PLEKHG1: variants seen among roughly 807,000 people sequenced by gnomAD.
The protein encoded by PLEKHG1 is pleckstrin homology domain-containing family G member 1.
Under a neutral mutation model 100.8 loss-of-function variants are expected in PLEKHG1, and 44 were observed. The ratio of observed to expected loss-of-function variants is 0.44; its 90% CI spans 0.34 to 0.56. The LOEUF (loss-of-function observed/expected upper bound fraction) is 0.56. Ranked by LOEUF, PLEKHG1 falls within the 20% of genes least tolerant of loss-of-function variation. The probability of loss-of-function intolerance (pLI) is 0.01; values close to 1 mark genes in which losing one functional copy is unlikely to be tolerated. For missense variants in PLEKHG1, 1,545 were observed against 1,720.9 expected, an observed-to-expected ratio of 0.90 and a Z score of 1.81; for synonymous variants, 640 against 662.5, an observed-to-expected ratio of 0.97 and a Z score of 0.52.
At chr6:150,706,968 CT>C (rs1244397188) in intron 3 of PLEKHG1, among the ~76,000 whole-genome samples, 2 of 39,002 alleles carry the variant, frequency 5.1e-5, no homozygotes, top group Non-Finnish European at 8.0e-5. Context: ...GTTTCATTTT[CT>C]TTTTTTCTTT....
chr6:150,725,615 T>A (rs557983632), intron 1 of PLEKHG1, among the ~76,000 whole-genome samples: 1 of 152,362 alleles, frequency 6.6e-6, no homozygotes, highest in South Asian at 2.1e-4. Context: ...AGTTGATGAT[T>A]TCCTTTGCTG....
chr6:150,638,406 G>A lies in PLEKHG1; in HGVS notation c.-158+281G>A, dbSNP rs187665769. ...CTCCTTCCACCTCAAGTACACAGAA[G>A]GTTCTGGAACACCACCCCTCCCCCT... On this transcript the variant is annotated intron_variant, in intron 2 of 3. Transcript: ENST00000367326. Among the ~76,000 whole-genome samples, 15 of 152,090 alleles carry A rather than the reference G, an allele frequency of 9.9e-5. 1 individual carries two copies. The highest frequency in any genetic ancestry group is 9.8e-4 in the Admixed American group (15 of 15,280).
Position 150,620,869 on chromosome 6 carries a change from GGA to G in PLEKHG1, c.-203-17204_-203-17203del, listed in dbSNP as rs886959511. Reference sequence around the variant, plus strand: ...GAAATGATCAGTGCCATGAAGAATGGGAGAGAGAATGAATTGAGATTGGAGAG... The same window carrying G: ...GAAATGATCAGTGCCATGAAGAATGGGAGAGAATGAATTGAGATTGGAGAG... On this transcript the variant is annotated intron_variant, in intron 1 of 3. Transcript: ENST00000367326. Among the ~76,000 whole-genome samples the G allele has an allele frequency of 7.2e-5, 11 of 152,130 alleles. 1 individual carries two copies. Among genetic ancestry groups the G allele is most frequent in the Admixed American group, 6.5e-4 (10 of 15,272 alleles).
At chr6:150,761,099 C>CTTTT (rs35068801) in intron 2 of PLEKHG1, among the ~76,000 whole-genome samples, 64 of 95,848 alleles carry the variant, frequency 6.7e-4, no homozygotes, top group African/African-American at 1.2e-3. Flanking sequence ...TTCTTTTTTT[C>CTTTT]TTTTTTTTTT....
intron 5 of PLEKHG1, among the ~76,000 whole-genome samples, chr6:150,797,789 A>G (rs955689823): frequency 8.0e-6 from 1 of 125,332 alleles, no homozygotes; most frequent in Non-Finnish European, 1.6e-5. Flanking sequence ...GAACTGAGAT[A>G]GCACCACTGC....
At chr6:150,758,998 G>A (rs148367678) in intron 2 of PLEKHG1, among the ~76,000 whole-genome samples, 43 of 152,290 alleles carry the variant, frequency 2.8e-4, no homozygotes, top group African/African-American at 9.6e-4. Flanking sequence ...GATCGAATGC[G>A]TCTGCCCTGA....
intron 3 of PLEKHG1, among the ~76,000 whole-genome samples, chr6:150,666,919 C>A (rs1240093937): frequency 6.6e-6 from 1 of 152,112 alleles, no homozygotes; most frequent in East Asian, 1.9e-4. Flanking sequence ...CACCACCACA[C>A]CCGGCTAATT....
At chr6:150,779,344 G>GTTTGTTGTTTTTTT (rs1257363893) in intron 3 of PLEKHG1, among the ~76,000 whole-genome samples, 3 of 104,536 alleles carry the variant, frequency 2.9e-5, no homozygotes, top group African/African-American at 1.3e-4. Context: ...TTGTCAAGAA[G>GTTTGTTGTTTTTTT]TTTTTTTTTT....
intron 2 of PLEKHG1, among the ~76,000 whole-genome samples, chr6:150,645,994 C>T (rs6557549): frequency 0.24 from 36,109 of 152,056 alleles, 4,999 homozygotes; most frequent in African/African-American, 0.39. Flanking sequence ...GTCTAAACAC[C>T]AGAGCATATA....
At chr6:150,700,718 A>G (rs1032449830) in intron 3 of PLEKHG1, among the ~76,000 whole-genome samples, 3 of 152,176 alleles carry the variant, frequency 2.0e-5, no homozygotes, top group Admixed American at 1.3e-4. Flanking sequence ...AGCATTGCAC[A>G]TCCAAGCCAT....
intron 3 of PLEKHG1, among the ~76,000 whole-genome samples, chr6:150,672,379 G>T (rs1316547964): frequency 6.6e-6 from 1 of 152,182 alleles, no homozygotes; most frequent in East Asian, 1.9e-4. Flanking sequence ...TACCTCCTCT[G>T]CTTTCCTCGA....
chr6:150,730,523 A>G lies in PLEKHG1; in HGVS notation c.-98-3061A>G, dbSNP rs188262262. On this transcript the variant is annotated intron_variant, in intron 1 of 15. Transcript: ENST00000358517. ...TGAAAGGAGGCAGAGCCCAGGCAGC[A>G]ATGCTCGCTTGCCCATCGCTCACTT... is the stretch of plus-strand genomic sequence containing the variant. 1.6e-3 allele frequency among the ~76,000 whole-genome samples: 245 copies of G among 152,274 alleles called. 1 individual carries two copies. Among genetic ancestry groups the G allele is most frequent in the Non-Finnish European group, 3.1e-3 (209 of 68,012 alleles).
chr6:150,655,571 G>A (rs887768035), intron 3 of PLEKHG1, among the ~76,000 whole-genome samples: 1 of 152,012 alleles, frequency 6.6e-6, no homozygotes, highest in African/African-American at 2.4e-5. Flanking sequence ...AGCTGGCCAT[G>A]GTGGCGGGCG....
In PLEKHG1 at chr6:150,626,687, C is replaced by T. The variant is rs1447863471; in HGVS notation, c.-203-11393C>T. On this transcript the variant is annotated intron_variant, in intron 1 of 3. Coordinates refer to the PLEKHG1 transcript ENST00000367326. Reference sequence around the variant, plus strand: ...TCTTTGGGGAGGTGCGTGTAAATTCCATTTCAGAAGGGCTCAAAGGCACAC... The same window carrying T: ...TCTTTGGGGAGGTGCGTGTAAATTCTATTTCAGAAGGGCTCAAAGGCACAC... 2.6e-5 allele frequency among the ~76,000 whole-genome samples: 4 copies of T among 152,134 alleles called. No homozygotes were observed. The East Asian group carries it at 7.7e-4, about 29-fold the overall frequency.
intron 7 of PLEKHG1, 22 bp from the exon 9 acceptor site, chr6:150,809,083 C>T: frequency 1.2e-6 from 2 of 1,602,464 alleles, no homozygotes; most frequent in Non-Finnish European, 1.7e-6. Context: ...CTGTAAATGC[C>T]ATGGCCCATT....
intron 1 of PLEKHG1, among the ~76,000 whole-genome samples, chr6:150,634,948 A>G (rs565717918): frequency 5.6e-4 from 85 of 152,304 alleles, no homozygotes; most frequent in African/African-American, 1.9e-3. Context: ...TTTTTGGGGG[A>G]TGTAGAAACT....
chr6:150,750,552 G>A (rs979611971), intron 2 of PLEKHG1, among the ~76,000 whole-genome samples: 5 of 151,606 alleles, frequency 3.3e-5, no homozygotes, highest in African/African-American at 4.9e-5. Flanking sequence ...AGGCCGAGGC[G>A]GGCGGATCAC....
At chr6:150,720,995 A>G (rs1470168230), upstream of PLEKHG1, 2 of 177,878 alleles carry the variant, frequency 1.1e-5, no homozygotes, top group African/African-American at 4.8e-5. Flanking sequence ...TGTGGTCTGC[A>G]CACTAGGGGG....
chr6:150,764,910 A>G (rs1784382414), intron 2 of PLEKHG1, among the ~76,000 whole-genome samples: 1 of 138,842 alleles, frequency 7.2e-6, no homozygotes, highest in Non-Finnish European at 1.5e-5. Context: ...CTCTTCAACT[A>G]TACCGGGAGC....
Sources: gnomAD v4.1 joint callset for allele counts (sites outside exome capture counted in the v4.1 genomes callset) on GRCh38, gnomAD v4.1.1 for gene constraint, MANE v1.5 for transcripts, NCBI Gene and HGNC (gene_info 2026-07-23, HGNC 2026-07-21) for gene names.